TTLL11: variants seen among roughly 807,000 people sequenced by gnomAD.
TTLL11 encodes the protein tubulin tyrosine ligase like 11.
A neutral mutation model predicts 51.7 loss-of-function variants in TTLL11; 42 were observed. That is an observed-to-expected ratio of 0.81 (90% CI 0.64 to 1.05). The LOEUF is 1.05. TTLL11 is among the 50% of genes least tolerant of loss of function. The probability of loss-of-function intolerance (pLI) is 0.00; values close to 1 mark genes in which losing one functional copy is unlikely to be tolerated. For synonymous variants in TTLL11, 381 were observed against 383.5 expected, an observed-to-expected ratio of 0.99 and a Z score of 0.08; for missense variants, 799 against 940.4, an observed-to-expected ratio of 0.85 and a Z score of 1.97.
intron 1 of TTLL11, among the ~76,000 whole-genome samples, chr9:122,068,743 C>G (rs577266605): frequency 6.6e-6 from 1 of 152,314 alleles, no homozygotes; most frequent in Non-Finnish European, 1.5e-5. Flanking sequence ...AAATCCATTT[C>G]CTCTTATTCC....
At chr9:121,990,047 G>A (rs1843066147) in intron 3 of TTLL11, among the ~76,000 whole-genome samples, 1 of 152,222 alleles carries the variant, frequency 6.6e-6, no homozygotes, top group Non-Finnish European at 1.5e-5. Context: ...CCAGTTATTA[G>A]CTACCACTTT....
At chr9:121,896,867 A>G (rs1415623598) in intron 6 of TTLL11, among the ~76,000 whole-genome samples, 1 of 152,220 alleles carries the variant, frequency 6.6e-6, no homozygotes, top group East Asian at 1.9e-4. Context: ...AAACGCGTAC[A>G]GGGATCCGAG....
At chr9:121,833,890 T>C (rs947697417) in intron 8 of TTLL11, among the ~76,000 whole-genome samples, 1 of 152,216 alleles carries the variant, frequency 6.6e-6, no homozygotes, top group African/African-American at 2.4e-5. Flanking sequence ...AGTAATTCTG[T>C]TTCCTGGGAT....
chr9:122,062,921 A>G (rs903818028), intron 1 of TTLL11, among the ~76,000 whole-genome samples: 1 of 152,050 alleles, frequency 6.6e-6, no homozygotes, highest in Admixed American at 6.6e-5. Context: ...CTGGGACTAC[A>G]GGTGCATGCC....
intron 7 of TTLL11, among the ~76,000 whole-genome samples, chr9:121,863,519 C>A (rs530728452): frequency 6.6e-6 from 1 of 152,272 alleles, no homozygotes; most frequent in African/African-American, 2.4e-5. Context: ...TTAGCAGGAG[C>A]CGTAATTTAC....
intron 6 of TTLL11, among the ~76,000 whole-genome samples, chr9:121,939,069 G>A (rs1226479117): frequency 6.6e-6 from 1 of 152,224 alleles, no homozygotes; most frequent in Non-Finnish European, 1.5e-5. Flanking sequence ...GTGAATGAGA[G>A]ACACGTATAA....
intron 6 of TTLL11, among the ~76,000 whole-genome samples, chr9:121,907,137 A>G (rs1010967369): frequency 1.3e-5 from 2 of 152,050 alleles, no homozygotes; most frequent in East Asian, 1.9e-4. Context: ...TCCTTTGTTC[A>G]GTCCACCAGG....
intron 4 of TTLL11, among the ~76,000 whole-genome samples, chr9:121,979,061 T>C (rs879824020): frequency 1.3e-5 from 2 of 152,158 alleles, no homozygotes; most frequent in African/African-American, 2.4e-5. Flanking sequence ...ACCTCTAATA[T>C]TGGGTTATAA....
At chr9:121,946,416 C>A (rs1841667096) in intron 6 of TTLL11, among the ~76,000 whole-genome samples, 1 of 152,180 alleles carries the variant, frequency 6.6e-6, no homozygotes, top group South Asian at 2.1e-4. Context: ...CGCACACAGC[C>A]CTCTGGTTTT....
rs879826413 is a variant in TTLL11, at chr9:121,843,175, T to TA, written c.1840+17161dup. On this transcript the variant is annotated intron_variant, in intron 8 of 8. Transcript: ENST00000321582. ...ACATAGTGAGACCCCCATCTTTATT[T>TA]AAAAAAAAAAATGAGAGAAGTAGTC... 2.0e-3 allele frequency among the ~76,000 whole-genome samples: 291 copies of TA among 145,402 alleles called. 1 individual carries two copies. The highest frequency in any genetic ancestry group is 5.8e-3 in the African/African-American group (229 of 39,720).
At chr9:121,873,566 C>A (rs13291043) in intron 6 of TTLL11, among the ~76,000 whole-genome samples, 18,194 of 151,906 alleles carry the variant, frequency 0.12, 1,137 homozygotes, top group Admixed American at 0.15. Flanking sequence ...CCTGCCTCAG[C>A]CTTCCAAAGT....
At chr9:121,891,959 G>A (rs1375582818) in intron 6 of TTLL11, among the ~76,000 whole-genome samples, 1 of 144,670 alleles carries the variant, frequency 6.9e-6, no homozygotes, top group African/African-American at 2.5e-5. Context: ...ATATATATGA[G>A]ATATATATAT....
At chr9:122,013,259 A>G (rs1385159165) in intron 3 of TTLL11, among the ~76,000 whole-genome samples, 3 of 152,182 alleles carry the variant, frequency 2.0e-5, no homozygotes, top group Non-Finnish European at 2.9e-5. Flanking sequence ...AACACTGCAA[A>G]TAGCATATTT....
rs80020399 is a variant in TTLL11, at chr9:121,995,432, C to A, written c.694-5662G>T. Among the ~76,000 whole-genome samples, 38 of 152,060 alleles carry A rather than the reference C, an allele frequency of 2.5e-4. No individual in the cohort carries two copies. The highest frequency in any genetic ancestry group is 8.7e-4 in the African/African-American group (36 of 41,456). On this transcript the variant is annotated intron_variant, in intron 3 of 8. Coordinates refer to ENST00000321582, the MANE Select transcript of TTLL11 (RefSeq NM_001139442.2). This position sits in a 1 kb window ranked among gnomAD's most constrained non-coding sequence, Gnocchi z 4.4. Reference sequence around the variant, plus strand: ...GGCCTGAGCTGGGGCAGGGACAATGCGGTTGAAATAGGGAGCTGAGAGAAG... The same window carrying A: ...GGCCTGAGCTGGGGCAGGGACAATGAGGTTGAAATAGGGAGCTGAGAGAAG...
intron 2 of TTLL11, 101 bp from the exon 3 acceptor site, chr9:122,031,957 C>G (rs990099839): frequency 1.4e-6 from 2 of 1,460,190 alleles, no homozygotes; most frequent in African/African-American, 2.8e-5. Flanking sequence ...GACATATTCT[C>G]TTTTTCAGGC....
chr9:121,972,012 A>G (rs1485417920), intron 6 of TTLL11, among the ~76,000 whole-genome samples: 1 of 152,120 alleles, frequency 6.6e-6, no homozygotes, highest in Non-Finnish European at 1.5e-5. Context: ...GGATAGCATT[A>G]GGAGAAATAC....
intron 6 of TTLL11, among the ~76,000 whole-genome samples, chr9:121,923,419 T>G (rs538511419): frequency 2.0e-4 from 31 of 152,310 alleles, no homozygotes; most frequent in Non-Finnish European, 3.5e-4. Context: ...AAGTTAGGGT[T>G]GGAGTATTTT....
Position 121,822,850 on chromosome 9 carries a change from A to C in TTLL11, c.1870T>G (p.Phe624Val), listed in dbSNP as rs529641246. The C allele has an allele frequency of 6.4e-7, 1 of 1,551,374 alleles. No homozygotes were observed. The highest frequency in any genetic ancestry group is 1.4e-5 in the African/African-American group (1 of 73,142). ...AACTTCCTCTGAGCCAGGAAAAAGA[A>C]AGCTTCTACGAAGGCCTGCAGACAC... The part of the protein sequence containing the change: ...GMCLQAFVEA[F>V]FFLAQRKFKM... Residue 624 changes from phenylalanine (F) to valine (V), a missense_variant, in exon 9 of 9, where the codon TTC becomes GTC. Phe to Val is a conservative substitution (Grantham distance 50). This residue lies in a region of TTLL11 where 165 missense variants were observed against 166.1 expected (regional missense o/e 0.99). Transcript: ENST00000321582. This position sits in a 1 kb window ranked among gnomAD's most constrained non-coding sequence, Gnocchi z 5.8.
intron 8 of TTLL11, among the ~76,000 whole-genome samples, chr9:121,826,070 T>C (rs898972056): frequency 1.6e-4 from 24 of 149,330 alleles, no homozygotes; most frequent in Non-Finnish European, 2.4e-4. Context: ...ACTATTTGAA[T>C]TGGAAGTCAG....
Sources: allele counts gnomAD v4.1 joint callset (sites outside exome capture counted in the v4.1 genomes callset), GRCh38; gene constraint gnomAD v4.1.1; regional missense constraint gnomAD v4.1.1; non-coding constraint Gnocchi (gnomAD v3.1); transcripts MANE v1.5; gene names NCBI Gene and HGNC (gene_info 2026-07-23, HGNC 2026-07-21).